USP3: variants seen among roughly 807,000 people sequenced by gnomAD.
The protein encoded by USP3 is ubiquitin carboxyl-terminal hydrolase 3.
In USP3, 20 loss-of-function variants were observed where a neutral mutation model predicts 72.3. The ratio of observed to expected loss-of-function variants is 0.28; its 90% CI spans 0.19 to 0.40. The LOEUF (loss-of-function observed/expected upper bound fraction) is 0.40. Among genes scored for constraint, USP3 ranks in the 10% least tolerant of loss-of-function variants. The probability of loss-of-function intolerance (pLI) is 1.00; values close to 1 mark genes in which losing one functional copy is unlikely to be tolerated. For synonymous variants in USP3, 222 were observed against 225.3 expected (o/e 0.99, Z 0.13); for missense variants, 479 against 633.9 (o/e 0.76, Z 2.62).
At chr15:63,506,383 A>G (rs1163433796) in intron 1 of USP3, among the ~76,000 whole-genome samples, 1 of 151,256 alleles carries the variant, frequency 6.6e-6, no homozygotes, top group African/African-American at 2.4e-5. Context: ...AAAAAAAAAG[A>G]CCAAAGTAAA....
In USP3 at chr15:63,504,816, C is replaced by T; in HGVS notation, c.77C>T (p.Ser26Phe). 1 of 1,609,524 alleles carries T rather than the reference C, an allele frequency of 6.2e-7. No homozygotes were observed. The highest frequency in any genetic ancestry group is 8.5e-7 in the Non-Finnish European group (1 of 1,178,438). The part of the protein sequence containing the change: ...SAKFPNGSPS[S>F]WCCSVCRSNK... ...AAGTTCCCCAACGGCTCCCCGTCGTCCTGGTGCTGCAGCGGTGAGTGCGGC... is the reference window on the plus strand; with the variant it reads ...AAGTTCCCCAACGGCTCCCCGTCGTTCTGGTGCTGCAGCGGTGAGTGCGGC... The change falls in exon 1 of 15, where the codon TCC (serine) becomes TTC (phenylalanine). Residue 26 changes from serine to phenylalanine, a missense_variant. Coordinates refer to ENST00000380324, the MANE Select transcript of USP3 (RefSeq NM_006537.4).
At chr15:63,585,411 A>G (rs993243411) in intron 11 of USP3, among the ~76,000 whole-genome samples, 6 of 152,200 alleles carry the variant, frequency 3.9e-5, no homozygotes, top group South Asian at 2.1e-4. Flanking sequence ...GTTTTCAGGT[A>G]TAAGTCTTTT....
chr15:63,537,108 A>G lies in USP3; in HGVS notation c.236A>G (p.Lys79Arg), dbSNP rs1464495260. The G allele has an allele frequency of 6.2e-7, 1 of 1,614,010 alleles. No individual in the cohort carries two copies. Among genetic ancestry groups the G allele is most frequent in the African/African-American group, 1.3e-5 (1 of 74,932 alleles). The change falls in exon 3 of 15, where the codon AAA becomes AGA. Residue 79 changes from lysine (K) to arginine (R), a missense_variant. Lys to Arg is a conservative substitution (Grantham distance 26). Transcript: ENST00000380324. ...TNHKKSEKQD[K>R]VQHTVCMDCS... ...CATAAGAAATCAGAAAAGCAAGATA[A>G]AGTTCAGCACACAGTATGTATGGAT...
intron 3 of USP3, among the ~76,000 whole-genome samples, chr15:63,542,985 G>C (rs1474349380): frequency 6.6e-6 from 1 of 152,152 alleles, no homozygotes; most frequent in Non-Finnish European, 1.5e-5. Context: ...CAGCAATGAG[G>C]ATTAAATGTA....
intron 2 of USP3, 59 bp downstream of exon 2, chr15:63,532,766 C>G: frequency 6.4e-7 from 1 of 1,561,278 alleles, no homozygotes; most frequent in Non-Finnish European, 8.8e-7. Context: ...TGTCTTTAAG[C>G]TTTATGTCAG....
At chr15:63,520,806 G>T (rs958695880) in intron 1 of USP3, among the ~76,000 whole-genome samples, 1 of 151,756 alleles carries the variant, frequency 6.6e-6, no homozygotes, top group Non-Finnish European at 1.5e-5. Flanking sequence ...CAAGTGATCT[G>T]CTCACCTTGG....
intron 1 of USP3, among the ~76,000 whole-genome samples, chr15:63,517,787 C>T (rs2065871598): frequency 6.6e-6 from 1 of 152,172 alleles, no homozygotes; most frequent in Non-Finnish European, 1.5e-5. Flanking sequence ...TCTGCTGTGT[C>T]CCTATACCTA....
chr15:63,537,968 G>A (rs1382868556), intron 3 of USP3, among the ~76,000 whole-genome samples: 4 of 151,870 alleles, frequency 2.6e-5, no homozygotes, highest in African/African-American at 9.7e-5. Context: ...TAACAGGCAT[G>A]AGCCACCGCT....
Position 63,532,604 on chromosome 15 carries a change from A to C in USP3, c.92-43A>C, listed in dbSNP as rs776450340. 7.5e-6 allele frequency: 12 copies of C among 1,606,600 alleles called. No homozygotes were observed. In the Admixed American group the frequency reaches 2.0e-4, roughly 27 times the overall value. On this transcript the variant is annotated intron_variant, in intron 1 of 14. Transcript: ENST00000380324. ...GGAAAATGGGGAGAAATTGGGAAAT[A>C]ACATGATGCAATTGGTATATTGTGT...
chr15:63,582,569 T>A (rs2066982723), intron 11 of USP3, among the ~76,000 whole-genome samples: 1 of 152,218 alleles, frequency 6.6e-6, no homozygotes, highest in South Asian at 2.1e-4. Context: ...TGTCTATTCC[T>A]TTTTGGTATC....
intron 1 of USP3, among the ~76,000 whole-genome samples, 172 bp downstream of exon 1, chr15:63,505,002 GGCGGCT>G: frequency 1.3e-5 from 2 of 150,468 alleles, no homozygotes; most frequent in African/African-American, 4.8e-5. Flanking sequence ...CGGGAGCGGC[GGCGGCT>G]CCTTTGTTTC....
chr15:63,558,270 ACT>A, intron 6 of USP3, 82 bp downstream of exon 6: 2 of 1,457,236 alleles, frequency 1.4e-6, no homozygotes, highest in East Asian at 2.3e-5. Context: ...TCTGCCACTA[ACT>A]CTAGTCATAT....
At chr15:63,587,124 T>C (rs900320207) in intron 11 of USP3, among the ~76,000 whole-genome samples, 1 of 152,114 alleles carries the variant, frequency 6.6e-6, no homozygotes, top group African/African-American at 2.4e-5. Flanking sequence ...TATTTAAAGA[T>C]ACATACATGT....
intron 7 of USP3, among the ~76,000 whole-genome samples, chr15:63,562,234 A>T (rs8042571): frequency 4.9e-4 from 75 of 152,218 alleles, no homozygotes; most frequent in Non-Finnish European, 8.8e-4. Flanking sequence ...TTATATGCCC[A>T]GGAAAAAAAT....
intron 11 of USP3, among the ~76,000 whole-genome samples, chr15:63,576,267 A>T (rs542867800): frequency 1.3e-5 from 2 of 152,168 alleles, no homozygotes; most frequent in Non-Finnish European, 2.9e-5. Context: ...GATTACAGGC[A>T]TGAGCCACCG....
rs1035902866 is a variant in USP3 at position 63,593,677 on chromosome 15, G to A, written c.*2851G>A. The A allele has an allele frequency of 5.9e-5, 9 of 152,222 alleles. No individual in the cohort carries two copies. Among genetic ancestry groups the A allele is most frequent in the Non-Finnish European group, 1.3e-4 (9 of 68,040 alleles). 9.4% of individuals were successfully genotyped at this position (152,222 alleles called of 1,614,324 possible). ...AAAAGTGATTGGATCCATCTCAATT[G>A]TGCACTTGAACAGCAGTGATGTAAA... is the stretch of plus-strand genomic sequence containing the variant. On this transcript the variant is annotated 3_prime_UTR_variant, in exon 15 of 15. Coordinates refer to ENST00000380324, the MANE Select transcript of USP3 (RefSeq NM_006537.4).
intron 1 of USP3, among the ~76,000 whole-genome samples, chr15:63,505,119 C>T (rs927727694): frequency 3.3e-5 from 5 of 151,362 alleles, no homozygotes; most frequent in Admixed American, 6.6e-5. Context: ...GGGACCCTGG[C>T]CAGCTGCGTG....
At chr15:63,590,227 C>T (rs563364005) in intron 14 of USP3, among the ~76,000 whole-genome samples, 3 of 152,214 alleles carry the variant, frequency 2.0e-5, no homozygotes, top group East Asian at 1.9e-4. Context: ...GCAGGCCTTC[C>T]GTCTGACTTG....
In USP3 at chr15:63,537,638, A is replaced by G. The variant is rs561878897; in HGVS notation, c.284+482A>G. On this transcript the variant is annotated intron_variant, in intron 3 of 14. Transcript: ENST00000380324. ...CAGTGCAGTTCCACGCTCCTCTTCT[A>G]CTCCCCCAAAGGTGAATGTCAAGAA... Among the ~76,000 whole-genome samples the G allele has an allele frequency of 2.4e-4, 36 of 151,740 alleles. 1 individual carries two copies. The South Asian group carries it at 3.8e-3, about 16-fold the overall frequency.
Sources: gnomAD v4.1 joint callset for allele counts (sites outside exome capture counted in the v4.1 genomes callset) on GRCh38, gnomAD v4.1.1 for gene constraint, MANE v1.5 for transcripts, NCBI Gene and HGNC (gene_info 2026-07-23, HGNC 2026-07-21) for gene names.